APOBEC3H: variants seen among roughly 807,000 people sequenced by gnomAD.
The protein encoded by APOBEC3H is DNA dC->dU-editing enzyme APOBEC-3H.
A neutral mutation model predicts 21.2 loss-of-function variants in APOBEC3H; 8 were observed. That is an observed-to-expected ratio of 0.38 (90% CI 0.22 to 0.68). The LOEUF is 0.68. APOBEC3H is among the 30% of genes least tolerant of loss of function. The pLI is 0.52. For missense variants in APOBEC3H, 229 were observed against 228.1 expected (o/e 1.00, Z -0.03); for synonymous variants, 88 against 91.0 (o/e 0.97, Z 0.19).
chr22:39,101,206 C>A, intron 2 of APOBEC3H, 31 bp from the exon 3 acceptor site: 1 of 1,591,902 alleles, frequency 6.3e-7, no homozygotes. Context: ...CTCTTCTCCC[C>A]TCCCTTCTCT....
rs58524849 is a variant in APOBEC3H, at chr22:39,102,962, CAAAAAAAAAAAA to C, written c.544-709_544-698del. ...TGGGCAACAAAGCAAGACTCTGTCC[CAAAAAAAAAAAA>C]AAAAAAAAAAAAAAAAATTAACTCA... On this transcript the variant is annotated intron_variant, in intron 4 of 4. Coordinates refer to ENST00000442487, the MANE Select transcript of APOBEC3H (RefSeq NM_181773.5). 9.4e-4 allele frequency among the ~76,000 whole-genome samples: 88 copies of C among 94,046 alleles called. 4 individuals carry two copies. Among genetic ancestry groups the C allele is most frequent in the African/African-American group, 1.6e-3 (44 of 27,286 alleles). 61.7% of individuals were successfully genotyped at this position (94,046 alleles called of 152,430 possible). A position where few individuals can be genotyped will look rare whatever the true frequency, so the allele number is the denominator to read the frequency against.
Position 39,100,410 on chromosome 22 carries a change from AGGCTACTTTGAAAACAAGGTGCCACACG to A in APOBEC3H, c.137_150+14del. The A allele has an allele frequency of 6.2e-7, 1 of 1,613,686 alleles. No homozygotes were observed. Among genetic ancestry groups the A allele is most frequent in the Non-Finnish European group, 8.5e-7 (1 of 1,179,764 alleles). On this transcript the variant is annotated splice_donor_variant and splice_donor_5th_base_variant and coding_sequence_variant and intron_variant, in exon 2 of 5. Coordinates refer to ENST00000442487, the MANE Select transcript of APOBEC3H (RefSeq NM_181773.5). LOFTEE classifies it high-confidence loss of function. ...CGCAGAATGGCTCCACGCCCACGAGAGGCTACTTTGAAAACAAGGTGCCACACGGGCTCTCTGGGCACAGGGCCGGCAG... is the reference window on the plus strand; with the variant it reads ...CGCAGAATGGCTCCACGCCCACGAGAGGCTCTCTGGGCACAGGGCCGGCAG...
At position 39,097,335 on chromosome 22, in the gene APOBEC3H, A is replaced by T. The variant is rs1929063133; in HGVS notation, c.-16A>T. The T allele has an allele frequency of 6.6e-6, 1 of 152,306 alleles. No individual in the cohort carries two copies. Among genetic ancestry groups the T allele is most frequent in the Admixed American group, 6.6e-5 (1 of 15,260 alleles). 9.4% of individuals were successfully genotyped at this position (152,306 alleles called of 1,614,324 possible). ...TGCTAAGGAAGCTGTGGCCAGAAGCACAGATCAGGTACTGCCGCCCACTCT... is the reference window on the plus strand; with the variant it reads ...TGCTAAGGAAGCTGTGGCCAGAAGCTCAGATCAGGTACTGCCGCCCACTCT... On this transcript the variant is annotated 5_prime_UTR_variant, in exon 1 of 5. Coordinates refer to ENST00000442487, the MANE Select transcript of APOBEC3H (RefSeq NM_181773.5).
intron 3 of APOBEC3H, 49 bp downstream of exon 3, chr22:39,101,553 AG>A: frequency 1.3e-6 from 1 of 773,562 alleles, no homozygotes; most frequent in Non-Finnish European, 1.9e-6. Flanking sequence ...CCGGGGGCAC[AG>A]GCTTGGCAGG....
Position 39,100,378 on chromosome 22 carries a change from C to T in APOBEC3H, c.100C>T (p.Leu34=), listed in dbSNP as rs753936907. 2.5e-6 allele frequency: 4 copies of T among 1,614,148 alleles called. No homozygotes were observed. The East Asian group carries it at 8.9e-5, about 36-fold the overall frequency. The change falls in exon 2 of 5, where the codon CTG becomes TTG. Residue 34 remains leucine, a synonymous_variant. Coordinates refer to ENST00000442487, the MANE Select transcript of APOBEC3H (RefSeq NM_181773.5). The stretch of plus-strand genomic sequence containing the variant: ...GAGGAAGGCCCTCTTGTGTTACCAG[C>T]TGACGCCGCAGAATGGCTCCACGCC... ...YPRKALLCYQ[L]TPQNGSTPTR...
In APOBEC3H at chr22:39,101,510, A is replaced by T. The variant is rs776830695; in HGVS notation, c.418+6A>T. The T allele has an allele frequency of 6.2e-7, 1 of 1,600,690 alleles. No homozygotes were observed. Among genetic ancestry groups the T allele is most frequent in the Non-Finnish European group, 8.5e-7 (1 of 1,175,292 alleles). On this transcript the variant is annotated splice_donor_region_variant and intron_variant, in intron 3 of 4. Coordinates refer to ENST00000442487, the MANE Select transcript of APOBEC3H (RefSeq NM_181773.5). ...GGAGGTCATGGGCTTCCCAGGTAGG[A>T]AAGAGGCTTTGCAGTTATAAGAGTG...
At position 39,100,354 on chromosome 22, in the gene APOBEC3H, A is replaced by G; in HGVS notation, c.76A>G (p.Arg26Gly). 2 of 1,614,110 alleles carry G rather than the reference A, an allele frequency of 1.2e-6. No individual in the cohort carries two copies. Among genetic ancestry groups the G allele is most frequent in the Non-Finnish European group, 1.7e-6 (2 of 1,179,998 alleles). ...CCGCCTCAGAAGGCCTTACTACCCG[A>G]GGAAGGCCCTCTTGTGTTACCAGCT... ...KRRLRRPYYP[R>G]KALLCYQLTP... is the part of the protein sequence containing the mutation. The change falls in exon 2 of 5, where the codon AGG becomes GGG. Residue 26 changes from arginine to glycine, a missense_variant. By Grantham distance (125) the Arg-to-Gly change is moderately radical (BLOSUM62 -2). Coordinates refer to ENST00000442487, the MANE Select transcript of APOBEC3H (RefSeq NM_181773.5).
In APOBEC3H at chr22:39,101,329, G is replaced by A. The variant is rs776545767; in HGVS notation, c.243G>A (p.Thr81=). ...GCTACCAAGTCACCTGTTACCTCAC[G>A]TGGAGCCCCTGCTCCTCCTGTGCCT... is the stretch of plus-strand genomic sequence containing the variant. ...TQCYQVTCYL[T]WSPCSSCAWE... The change falls in exon 3 of 5, where the codon ACG becomes ACA. Residue 81 remains threonine (T), a synonymous_variant. Transcript: ENST00000442487. 3.3e-5 allele frequency: 54 copies of A among 1,613,172 alleles called. No homozygotes were observed. The highest frequency in any genetic ancestry group is 6.7e-5 in the African/African-American group (5 of 74,628).
Position 39,101,245 on chromosome 22 carries a change from C to T in APOBEC3H, c.159C>T (p.Cys53=). 7 of 1,597,630 alleles carry T rather than the reference C, an allele frequency of 4.4e-6. No homozygotes were observed. The highest frequency in any genetic ancestry group is 6.0e-6 in the Non-Finnish European group (7 of 1,169,952). Residue 53 remains cysteine (C), a synonymous_variant, in exon 3 of 5, where the codon TGC becomes TGT. Transcript: ENST00000442487. ...TRGYFENKKK[C]HAEICFINEI... is the part of the protein sequence containing the mutation. ...TTTGGGACCCTCCCCAGAAAAAGTG[C>T]CATGCAGAAATTTGCTTTATTAACG...
chr22:39,100,231 ACGCT>A, intron 1 of APOBEC3H, 37 bp from the exon 2 acceptor site: 1 of 1,594,302 alleles, frequency 6.3e-7, no homozygotes, highest in South Asian at 1.1e-5. Context: ...ACTCAAGAGG[ACGCT>A]CCCTTCATCT....
intron 1 of APOBEC3H, among the ~76,000 whole-genome samples, chr22:39,098,875 C>T (rs955991981): frequency 1.3e-5 from 2 of 152,104 alleles, no homozygotes; most frequent in Non-Finnish European, 2.9e-5. Context: ...CTCAGGCCCT[C>T]GGGGAGACAG....
chr22:39,102,146 T>C, intron 4 of APOBEC3H, 104 bp downstream of exon 4: 1 of 1,423,364 alleles, frequency 7.0e-7, no homozygotes, highest in Non-Finnish European at 9.3e-7. Context: ...CCTTTTTTTC[T>C]TTTCTTTTCT....
intron 1 of APOBEC3H, among the ~76,000 whole-genome samples, chr22:39,099,558 C>T (rs55676315): frequency 0.083 from 12,613 of 152,198 alleles, 1,047 homozygotes; most frequent in African/African-American, 0.22. Context: ...AGGCCAGAGG[C>T]GTGTGAGCAG....
rs776823216 is a variant in APOBEC3H at position 39,103,725 on chromosome 22, A to G, written c.*28A>G. ...TGTGGATGTTTTAGAGAATGACTTA[A>G]GAAGTTTGCAGCTTGGACCCGTATC... On this transcript the variant is annotated 3_prime_UTR_variant, in exon 5 of 5. Coordinates refer to ENST00000442487, the MANE Select transcript of APOBEC3H (RefSeq NM_181773.5). 6.2e-7 allele frequency: 1 copy of G among 1,613,682 alleles called. No homozygotes were observed. The highest frequency in any genetic ancestry group is 1.7e-5 in the Admixed American group (1 of 60,014).
chr22:39,103,819 G>A lies in APOBEC3H; in HGVS notation c.*122G>A. ...CATGTCAGTTGCCTCATAGCCTGCT[G>A]GTCCTGTAAGCAAGCACTAAGCTCC... On this transcript the variant is annotated 3_prime_UTR_variant, in exon 5 of 5. Transcript: ENST00000442487. The A allele has an allele frequency of 2.3e-6, 3 of 1,285,764 alleles. No individual in the cohort carries two copies. Among genetic ancestry groups the A allele is most frequent in the Non-Finnish European group, 3.4e-6 (3 of 881,952 alleles). 79.6% of individuals were successfully genotyped at this position (1,285,764 alleles called of 1,614,324 possible).
chr22:39,100,466 G>T (rs369700866), intron 2 of APOBEC3H, 38 bp downstream of exon 2: 1 of 1,604,748 alleles, frequency 6.2e-7, no homozygotes, highest in South Asian at 1.1e-5. Flanking sequence ...GCCGGCAGGG[G>T]CTAACCCCAT....
At chr22:39,103,570 G>A (rs139313) in intron 4 of APOBEC3H, 119 bp from the exon 5 acceptor site, 2 of 1,060,704 alleles carry the variant, frequency 1.9e-6, no homozygotes, top group Non-Finnish European at 2.9e-6. Context: ...CAGGCCTTCT[G>A]GGCCCTTCTG....
intron 4 of APOBEC3H, 65 bp downstream of exon 4, chr22:39,102,107 C>T (rs2146325182): frequency 1.3e-6 from 2 of 1,582,664 alleles, no homozygotes; most frequent in South Asian, 2.3e-5. Flanking sequence ...CATACCCAGT[C>T]ACACCTCTGC....
At position 39,102,062 on chromosome 22, in the gene APOBEC3H, G is replaced by A. The variant is rs1601539490; in HGVS notation, c.543+20G>A. 2 of 1,610,420 alleles carry A rather than the reference G, an allele frequency of 1.2e-6. No individual in the cohort carries two copies. Among genetic ancestry groups the A allele is most frequent in the African/African-American group, 1.3e-5 (1 of 74,926 alleles). The stretch of plus-strand genomic sequence containing the variant: ...ATAAAGGTGAGGCACTGTCCTGCCT[G>A]CTGCCCCCGACCTCCTCACCGCCTG... On this transcript the variant is annotated intron_variant, in intron 4 of 4. Transcript: ENST00000442487.
Sources: allele counts gnomAD v4.1 joint callset (sites outside exome capture counted in the v4.1 genomes callset), GRCh38; gene constraint gnomAD v4.1.1; transcripts MANE v1.5; gene names NCBI Gene and HGNC (gene_info 2026-07-23, HGNC 2026-07-21).